The following SLC16A5 variants were observed in gnomAD, a reference collection of about 807,000 sequenced individuals.
The protein encoded by SLC16A5 is solute carrier family 16 member 5.
SLC16A5 carries 29 observed loss-of-function variants against 33.2 expected under a neutral mutation model. That is an observed-to-expected ratio of 0.87 (90% confidence interval 0.65 to 1.19). The LOEUF (loss-of-function observed/expected upper bound fraction) is 1.19, where lower values mean the gene tolerates loss of function less well. SLC16A5 is among the 50% of genes most tolerant of loss of function. The probability of loss-of-function intolerance (pLI) is 0.00; values close to 1 mark genes in which losing one functional copy is unlikely to be tolerated. For missense variants in SLC16A5, 606 were observed against 678.2 expected, an observed-to-expected ratio of 0.89 and a Z score of 1.18; for synonymous variants, 248 against 284.1, an observed-to-expected ratio of 0.87 and a Z score of 1.28.
At chr17:75,104,229 C>T in intron 6 of SLC16A5, 49 bp downstream of exon 6, 1 of 1,596,932 alleles carries the variant, frequency 6.3e-7, no homozygotes, top group South Asian at 1.1e-5. Flanking sequence ...TGACCAGTGT[C>T]TGAGTCCTGG....
chr17:75,096,594 A>G (rs1287171218), intron 3 of SLC16A5, among the ~76,000 whole-genome samples: 1 of 149,454 alleles, frequency 6.7e-6, no homozygotes, highest in Admixed American at 6.7e-5. Context: ...GTAGTGGCAC[A>G]GTCTCGGCTC....
upstream of SLC16A5, chr17:75,087,942 G>C (rs2073589109): frequency 1.3e-5 from 2 of 152,148 alleles, no homozygotes; most frequent in Admixed American, 6.5e-5. Context: ...GCCTGGCCGC[G>C]GCGCTTGGCC....
rs368204075 is a variant in SLC16A5 at position 75,092,850 on chromosome 17, T to TGTGTGA, written c.-48-734_-48-733insAGTGTG. On this transcript the variant is annotated intron_variant, in intron 2 of 6. Coordinates refer to ENST00000329783, the MANE Select transcript of SLC16A5 (RefSeq NM_004695.4). The stretch of plus-strand genomic sequence containing the variant: ...GTGTGTGTGTGTGTGTGTGTGTGTG[T>TGTGTGA]GTGTGTGTGTTTATTATTCAGTGTG... Among the ~76,000 whole-genome samples the TGTGTGA allele has an allele frequency of 1.2e-3, 184 of 150,586 alleles. 1 individual carries two copies. Among genetic ancestry groups the TGTGTGA allele is most frequent in the Admixed American group, 1.8e-3 (27 of 15,112 alleles).
chr17:75,089,815 TG>T (rs538072190), intron 2 of SLC16A5: 1 of 134,876 alleles, frequency 7.4e-6, no homozygotes, highest in African/African-American at 2.8e-5. Flanking sequence ...CAGCCTGGGG[TG>T]GGAGTCAGGT....
chr17:75,089,693 G>T (rs372659792), intron 2 of SLC16A5, among the ~76,000 whole-genome samples: 23 of 149,078 alleles, frequency 1.5e-4, no homozygotes, highest in African/African-American at 5.7e-4. Context: ...GGCAGAGATT[G>T]CAGTGAGCTG....
rs965301213 is a variant in SLC16A5, at chr17:75,100,273, C to A, written c.610C>A (p.Pro204Thr). The A allele has an allele frequency of 6.2e-7, 1 of 1,614,202 alleles. No homozygotes were observed. Among genetic ancestry groups the A allele is most frequent in the Admixed American group, 1.7e-5 (1 of 60,018 alleles). The change falls in exon 5 of 7, where the codon CCC becomes ACC. Residue 204 changes from proline to threonine, a missense_variant. Pro to Thr is a conservative substitution (Grantham distance 38, BLOSUM62 -1). Coordinates refer to ENST00000329783, the MANE Select transcript of SLC16A5 (RefSeq NM_004695.4). ...TGTGGCCCCTGAGACCAAAGAATGT[C>A]CCCCGCCACCTCCCGAGACACCTGC... ...TSVAPETKEC[P>T]PPPPETPALG...
upstream of SLC16A5, chr17:75,087,944 C>G (rs2073589170): frequency 6.6e-6 from 1 of 152,148 alleles, no homozygotes; most frequent in South Asian, 2.1e-4. Flanking sequence ...CTGGCCGCGG[C>G]GCTTGGCCCA....
At position 75,100,620 on chromosome 17, in the gene SLC16A5, C is replaced by A; in HGVS notation, c.957C>A (p.Asn319Lys). ...CACTCCTGCTCAATGGGCTCACTAA[C>A]CTGGTGTGTGCGGCATCAGGTGACT... ...SLALLLNGLT[N>K]LVCAASGDFW... is the part of the protein sequence containing the mutation. Residue 319 changes from asparagine (N) to lysine (K), a missense_variant, in exon 5 of 7, where the codon AAC (asparagine) becomes AAA (lysine). Physicochemically the swap from Asn to Lys is moderately conservative, Grantham distance 94 (BLOSUM62 0). Coordinates refer to ENST00000329783, the MANE Select transcript of SLC16A5 (RefSeq NM_004695.4). 6.2e-7 allele frequency: 1 copy of A among 1,614,236 alleles called. No individual in the cohort carries two copies.
At chr17:75,105,666 G>A in intron 6 of SLC16A5, 3 of 985,406 alleles carry the variant, frequency 3.0e-6, no homozygotes, top group Non-Finnish European at 3.6e-6. Context: ...AAAACAGAAT[G>A]TGTTTGAATT....
chr17:75,092,048 T>TGTGTGTGC (rs1465556033), intron 2 of SLC16A5, among the ~76,000 whole-genome samples: 2 of 151,878 alleles, frequency 1.3e-5, no homozygotes, highest in Non-Finnish European at 2.9e-5. Flanking sequence ...TGTGTGTGTG[T>TGTGTGTGC]GTGCACGCAT....
rs546834922 is a variant in SLC16A5, at chr17:75,104,775, C to T, written c.1364+595C>T. ...AGAGGAACCCTTTTCTAACAACTAG[C>T]GGAATCCAGGAGCAGGCCCTCCGGA... On this transcript the variant is annotated intron_variant, in intron 6 of 6. Transcript: ENST00000329783. The T allele has an allele frequency of 1.5e-4, 151 of 985,286 alleles. No individual in the cohort carries two copies. In the African/African-American group the frequency reaches 2.4e-3, roughly 16 times the overall value. The allele number at this position is 985,286 out of a possible 1,614,324, so 61.0% of individuals were successfully genotyped here.
Position 75,093,685 on chromosome 17 carries a change from C to T in SLC16A5, c.49C>T (p.Leu17=), listed in dbSNP as rs1045074717. ...AGATGGCAGCTGGGCCTGGGTGGTG[C>T]TGCTGGCCACCATGGTGACCCAGGG... is the stretch of plus-strand genomic sequence containing the variant. ...RADGSWAWVV[L]LATMVTQGLT... is the part of the protein sequence containing the mutation. The change falls in exon 3 of 7, where the codon CTG becomes TTG. Residue 17 remains leucine, a synonymous_variant. Transcript: ENST00000329783. The T allele has an allele frequency of 6.2e-7, 1 of 1,614,000 alleles. No individual in the cohort carries two copies. The highest frequency in any genetic ancestry group is 1.3e-5 in the African/African-American group (1 of 75,058).
At position 75,100,392 on chromosome 17, in the gene SLC16A5, G is replaced by A. The variant is rs1484975642; in HGVS notation, c.729G>A (p.Leu243=). ...ACACAGGCTACTGCGTGTACATACTGGGTGTGATGTGGTCCGTCCTGGGCT... is the reference window on the plus strand; with the variant it reads ...ACACAGGCTACTGCGTGTACATACTAGGTGTGATGTGGTCCGTCCTGGGCT... ...RHNTGYCVYI[L]GVMWSVLGFP... Residue 243 remains leucine, a synonymous_variant, in exon 5 of 7, where the codon CTG becomes CTA. Transcript: ENST00000329783. The A allele has an allele frequency of 6.2e-7, 1 of 1,614,234 alleles. No individual in the cohort carries two copies. Among genetic ancestry groups the A allele is most frequent in the East Asian group, 2.2e-5 (1 of 44,884 alleles).
chr17:75,094,997 G>A (rs972914379), intron 3 of SLC16A5, among the ~76,000 whole-genome samples: 1 of 151,810 alleles, frequency 6.6e-6, no homozygotes, highest in Non-Finnish European at 1.5e-5. Flanking sequence ...CAGAGACCCC[G>A]GCCTCGGAGG....
At chr17:75,104,680 C>T (rs2145082067) in intron 6 of SLC16A5, 1 of 792,434 alleles carries the variant, frequency 1.3e-6, no homozygotes, top group African/African-American at 1.9e-5. Context: ...CAACTTCCGA[C>T]CTCAGGTGAT....
At chr17:75,092,597 T>C (rs1189243884) in intron 2 of SLC16A5, among the ~76,000 whole-genome samples, 1 of 152,128 alleles carries the variant, frequency 6.6e-6, no homozygotes, top group African/African-American at 2.4e-5. Flanking sequence ...AGTGCTGGGA[T>C]TACAGGCTTG....
rs150984642 is a variant in SLC16A5 at position 75,098,077 on chromosome 17, G to A, written c.239G>A (p.Arg80Gln). 1.2e-5 allele frequency: 19 copies of A among 1,608,790 alleles called. No homozygotes were observed. The highest frequency in any genetic ancestry group is 2.2e-5 in the South Asian group (2 of 90,392). Residue 80 changes from arginine to glutamine, a missense_variant, in exon 4 of 7, where the codon CGA becomes CAA. Physicochemically the swap from Arg to Gln is conservative, Grantham distance 43 (BLOSUM62 1). Coordinates refer to ENST00000329783, the MANE Select transcript of SLC16A5 (RefSeq NM_004695.4). The part of the protein sequence containing the change: ...CSILVGRFGC[R>Q]VTVMLGGVLA... ...ATCCTGGTGGGACGCTTCGGCTGCC[G>A]AGTGACCGTGATGCTGGGGGGCGTG...
At chr17:75,093,179 T>G in intron 2 of SLC16A5, 1 of 534,002 alleles carries the variant, frequency 1.9e-6, no homozygotes, top group Non-Finnish European at 3.4e-6. Flanking sequence ...TTGGGTGCAT[T>G]TGGGGGGCGT....
chr17:75,092,406 G>T (rs999293801), intron 2 of SLC16A5, among the ~76,000 whole-genome samples: 3 of 151,096 alleles, frequency 2.0e-5, no homozygotes. Context: ...CACTAGGCTG[G>T]AGTGCAGTGG....
Sources: gnomAD v4.1 joint callset for allele counts (sites outside exome capture counted in the v4.1 genomes callset) on GRCh38, gnomAD v4.1.1 for gene constraint, MANE v1.5 for transcripts, NCBI Gene and HGNC (gene_info 2026-07-23, HGNC 2026-07-21) for gene names.